UBE2K: variants seen among roughly 807,000 people sequenced by gnomAD.
The protein encoded by UBE2K is ubiquitin conjugating enzyme E2 K.
Under a neutral mutation model 30.0 loss-of-function variants are expected in UBE2K, and 6 were observed. The observed-to-expected ratio is 0.20, with a 90% CI of 0.11 to 0.39. The LOEUF (loss-of-function observed/expected upper bound fraction) is 0.39. Among genes scored for constraint, UBE2K ranks in the 10% least tolerant of loss-of-function variants. The probability of loss-of-function intolerance (pLI) is 1.00; values close to 1 mark genes in which losing one functional copy is unlikely to be tolerated. For synonymous variants in UBE2K, 86 were observed against 83.7 expected, an observed-to-expected ratio of 1.03 and a Z score of -0.15; for missense variants, 61 against 241.6, an observed-to-expected ratio of 0.25 and a Z score of 4.96.
chr4:39,734,105 A>AT (rs11417002), intron 1 of UBE2K, among the ~76,000 whole-genome samples: 69,066 of 136,254 alleles, frequency 0.51, 18,152 homozygotes, highest in South Asian at 0.62. Flanking sequence ...GCCCTCTAGA[A>AT]TTTTTTTTTT....
chr4:39,767,500 A>C (rs1486685346), intron 4 of UBE2K, among the ~76,000 whole-genome samples: 1 of 151,172 alleles, frequency 6.6e-6, no homozygotes, highest in Non-Finnish European at 1.5e-5. Flanking sequence ...ATTTTTTTGT[A>C]TTTTAGTAGA....
chr4:39,722,776 C>T (rs1029079377), intron 1 of UBE2K, among the ~76,000 whole-genome samples: 7 of 151,158 alleles, frequency 4.6e-5, no homozygotes, highest in Non-Finnish European at 8.8e-5. Context: ...TATCCAAGGA[C>T]CTGCTGTATT....
At chr4:39,769,214 T>G (rs6814847) in intron 4 of UBE2K, among the ~76,000 whole-genome samples, 60 of 5,400 alleles carry the variant, frequency 0.011, no homozygotes, top group Admixed American at 0.073. Flanking sequence ...TTTCTTTTTG[T>G]TTTTTTTTTT....
chr4:39,717,072 C>T (rs1251136928), intron 1 of UBE2K, among the ~76,000 whole-genome samples: 2 of 149,526 alleles, frequency 1.3e-5, no homozygotes, highest in South Asian at 2.1e-4. Flanking sequence ...GATGCTGAGG[C>T]GAGAGGATCC....
In UBE2K at chr4:39,778,585, T is replaced by C. The variant is rs914892835; in HGVS notation, c.*151T>C. The C allele has an allele frequency of 1.2e-4, 58 of 491,668 alleles. No individual in the cohort carries two copies. The Middle Eastern group carries it at 1.5e-3, about 13-fold the overall frequency. The allele number at this position is 491,668 out of a possible 1,614,324, so 30.5% of individuals were successfully genotyped here. On this transcript the variant is annotated 3_prime_UTR_variant, in exon 7 of 7. Transcript: ENST00000261427. ...ACCATTGGAGACTGAAAAAAAAAAA[T>C]CCCTGCTCTGTAAATAAAGCTAATT...
Position 39,770,640 on chromosome 4 carries a change from C to T in UBE2K, c.300-4194C>T, listed in dbSNP as rs533349716. On this transcript the variant is annotated intron_variant, in intron 4 of 6. Transcript: ENST00000261427. Reference sequence around the variant, plus strand: ...CTCCCCTTCTGCGTTCTCCGACAGGCTATAGCAGGCCTTCACCACACCCTG... The same window carrying T: ...CTCCCCTTCTGCGTTCTCCGACAGGTTATAGCAGGCCTTCACCACACCCTG... The T allele has an allele frequency of 3.4e-5, 54 of 1,597,634 alleles. No homozygotes were observed. The African/African-American group carries it at 6.3e-4, about 19-fold the overall frequency.
At chr4:39,734,766 G>T (rs73240676) in intron 1 of UBE2K, among the ~76,000 whole-genome samples, 1 of 152,130 alleles carries the variant, frequency 6.6e-6, no homozygotes. Flanking sequence ...AGCTGAGATC[G>T]CACTGCTGCA....
intron 4 of UBE2K, chr4:39,770,657 C>T (rs1418787635): frequency 6.3e-7 from 1 of 1,588,924 alleles, no homozygotes; most frequent in Admixed American, 1.7e-5. Flanking sequence ...AGGCCTTCAC[C>T]ACACCCTGCG....
At chr4:39,724,739 C>T (rs534829887) in intron 1 of UBE2K, among the ~76,000 whole-genome samples, 123 of 150,358 alleles carry the variant, frequency 8.2e-4, no homozygotes, top group African/African-American at 2.7e-3. Context: ...CACTGCCCTT[C>T]AGCCTGGGGG....
intron 1 of UBE2K, among the ~76,000 whole-genome samples, chr4:39,699,870 ACT>A (rs532224308): frequency 2.4e-4 from 36 of 152,276 alleles, no homozygotes; most frequent in Admixed American, 2.4e-3. Context: ...ATATGCCAAA[ACT>A]CTGAATGGAA....
intron 1 of UBE2K, among the ~76,000 whole-genome samples, chr4:39,702,308 G>A (rs1465729767): frequency 4.6e-5 from 6 of 129,778 alleles, no homozygotes; most frequent in South Asian, 4.9e-4. Context: ...AGGCTGGAGT[G>A]CAATGGCGCG....
intron 3 of UBE2K, among the ~76,000 whole-genome samples, chr4:39,754,016 G>A (rs756050375): frequency 1.8e-4 from 28 of 152,096 alleles, no homozygotes; most frequent in Non-Finnish European, 2.8e-4. Flanking sequence ...GCGACAGCGC[G>A]AGACTCCTTC....
At chr4:39,777,416 T>C (rs928411755) in intron 5 of UBE2K, among the ~76,000 whole-genome samples, 1 of 152,254 alleles carries the variant, frequency 6.6e-6, no homozygotes, top group Non-Finnish European at 1.5e-5. Context: ...CTAATTTTAG[T>C]CTTGCTAGTT....
At chr4:39,711,470 T>C (rs1010708064) in intron 1 of UBE2K, among the ~76,000 whole-genome samples, 2 of 151,986 alleles carry the variant, frequency 1.3e-5, no homozygotes, top group African/African-American at 4.8e-5. Context: ...CAGCATTATT[T>C]TTTAAAGATC....
In UBE2K at chr4:39,722,799, CT is replaced by C. The variant is rs58965981; in HGVS notation, c.64-14607del. The stretch of plus-strand genomic sequence containing the variant: ...GACCTGCTGTATTCTCTTTTTCTCT[CT>C]TTTTTTTTTTTTTGAGATGGAGTCT... On this transcript the variant is annotated intron_variant, in intron 1 of 6. Transcript: ENST00000261427. Among the ~76,000 whole-genome samples, 549 of 100,038 alleles carry C rather than the reference CT, an allele frequency of 5.5e-3. 4 individuals are homozygous for C. The highest frequency in any genetic ancestry group is 6.8e-3 in the Non-Finnish European group (316 of 46,500). 65.6% of individuals were successfully genotyped at this position (100,038 alleles called of 152,430 possible).
At chr4:39,698,412 A>C in intron 1 of UBE2K, 22 bp downstream of exon 1, 1 of 1,603,226 alleles carries the variant, frequency 6.2e-7, no homozygotes, top group East Asian at 2.2e-5. Context: ...ACTCCCGGAT[A>C]TCCCCCACCT....
At chr4:39,727,836 A>C (rs892671116) in intron 1 of UBE2K, among the ~76,000 whole-genome samples, 1 of 152,108 alleles carries the variant, frequency 6.6e-6, no homozygotes, top group African/African-American at 2.4e-5. Context: ...CCTCTAACTG[A>C]AATCTTAGAA....
At chr4:39,744,280 C>T (rs1424143965) in intron 2 of UBE2K, among the ~76,000 whole-genome samples, 1 of 152,124 alleles carries the variant, frequency 6.6e-6, no homozygotes, top group Non-Finnish European at 1.5e-5. Flanking sequence ...TCACGCCATT[C>T]TTCTGCCTCA....
chr4:39,709,026 G>GTAATTAA (rs1318688448), intron 1 of UBE2K, among the ~76,000 whole-genome samples: 1 of 151,332 alleles, frequency 6.6e-6, no homozygotes, highest in Non-Finnish European at 1.5e-5. Flanking sequence ...TAGTAATTAA[G>GTAATTAA]GGCGTGGGCT....
Sources: gnomAD v4.1 joint callset for allele counts (sites outside exome capture counted in the v4.1 genomes callset) on GRCh38, gnomAD v4.1.1 for gene constraint, MANE v1.5 for transcripts, NCBI Gene and HGNC (gene_info 2026-07-23, HGNC 2026-07-21) for gene names.